Variants in CNTN5 observed in about 807,000 individuals in gnomAD.
The protein encoded by CNTN5 is contactin 5.
Under a neutral mutation model 129.1 loss-of-function variants are expected in CNTN5, and 77 were observed. The ratio of observed to expected loss-of-function variants is 0.60; its 90% CI spans 0.50 to 0.72. CNTN5 has a LOEUF of 0.72. CNTN5 is among the 30% of genes least tolerant of loss of function. CNTN5 has a pLI of 0.00. For missense variants in CNTN5, 1,478 were observed against 1,328.8 expected (o/e 1.11, Z -1.75); for synonymous variants, 509 against 465.6 (o/e 1.09, Z -1.20).
chr11:99,784,449 TCATC>T (rs1017755323), intron 3 of CNTN5, among the ~76,000 whole-genome samples: 1 of 152,118 alleles, frequency 6.6e-6, no homozygotes, highest in Admixed American at 6.5e-5. Flanking sequence ...GTTTCCATCT[TCATC>T]CATGTCCCTG....
chr11:99,880,897 T>C (rs1332362513), intron 6 of CNTN5, among the ~76,000 whole-genome samples: 1 of 152,200 alleles, frequency 6.6e-6, no homozygotes, highest in Non-Finnish European at 1.5e-5. Flanking sequence ...TTATGACTTT[T>C]TTAATATTTA....
chr11:99,461,131 G>T (rs1944682086), intron 2 of CNTN5, among the ~76,000 whole-genome samples: 1 of 151,854 alleles, frequency 6.6e-6, no homozygotes, highest in African/African-American at 2.4e-5. Context: ...ACATATTGTT[G>T]GCTTTATTTA....
At chr11:99,115,009 C>G (rs773003925) in intron 1 of CNTN5, among the ~76,000 whole-genome samples, 1 of 152,130 alleles carries the variant, frequency 6.6e-6, no homozygotes, top group African/African-American at 2.4e-5. Context: ...CTCCCTTCCC[C>G]CTTCTTCCAT....
chr11:99,374,900 G>C (rs1940067598), intron 2 of CNTN5, among the ~76,000 whole-genome samples: 1 of 152,160 alleles, frequency 6.6e-6, no homozygotes, highest in African/African-American at 2.4e-5. Flanking sequence ...TGGGCAAATG[G>C]CCATGGAACA....
chr11:99,963,832 A>C (rs1013284653), intron 8 of CNTN5, among the ~76,000 whole-genome samples: 2 of 151,968 alleles, frequency 1.3e-5, no homozygotes, highest in South Asian at 4.2e-4. Flanking sequence ...CTTTTGTTTC[A>C]TTGAGCAGTG....
chr11:99,660,079 A>G lies in CNTN5; in HGVS notation c.55+103810A>G, dbSNP rs185067478. 2.3e-3 allele frequency among the ~76,000 whole-genome samples: 346 copies of G among 152,278 alleles called. 1 individual carries two copies. Among genetic ancestry groups the G allele is most frequent in the African/African-American group, 7.5e-3 (311 of 41,568 alleles). On this transcript the variant is annotated intron_variant, in intron 3 of 24. Coordinates refer to ENST00000524871, the MANE Select transcript of CNTN5 (RefSeq NM_014361.4). ...AACATTGATCCATCCTTCATTTTATATAGAAAATTTCACCCATAATATATT... is the reference window on the plus strand; with the variant it reads ...AACATTGATCCATCCTTCATTTTATGTAGAAAATTTCACCCATAATATATT...
chr11:99,105,863 T>C (rs935366837), intron 1 of CNTN5, among the ~76,000 whole-genome samples: 5 of 152,178 alleles, frequency 3.3e-5, no homozygotes, highest in African/African-American at 9.6e-5. Flanking sequence ...TCAAGTTAAC[T>C]TGGAGTGTGC....
intron 4 of CNTN5, among the ~76,000 whole-genome samples, chr11:99,839,447 A>G (rs1416892909): frequency 6.6e-6 from 1 of 152,060 alleles, no homozygotes; most frequent in South Asian, 2.1e-4. Flanking sequence ...AAGTTTTTGT[A>G]TGGGAGGACC....
At chr11:99,038,495 G>T (rs1282602462) in intron 1 of CNTN5, among the ~76,000 whole-genome samples, 1 of 152,046 alleles carries the variant, frequency 6.6e-6, no homozygotes, top group African/African-American at 2.4e-5. Flanking sequence ...GTAGTCATCA[G>T]TGGTGTATAA....
At chr11:99,802,161 T>G (rs527966550) in intron 3 of CNTN5, among the ~76,000 whole-genome samples, 1 of 152,324 alleles carries the variant, frequency 6.6e-6, no homozygotes, top group African/African-American at 2.4e-5. Context: ...TAGACCTATA[T>G]TTTTCTGTCA....
intron 1 of CNTN5, among the ~76,000 whole-genome samples, chr11:99,191,680 A>G (rs1008385133): frequency 2.0e-5 from 3 of 151,894 alleles, no homozygotes; most frequent in Non-Finnish European, 4.4e-5. Context: ...AAATTCACAA[A>G]TACATCACAA....
At chr11:100,209,662 C>T (rs190339599) in intron 15 of CNTN5, among the ~76,000 whole-genome samples, 1 of 152,216 alleles carries the variant, frequency 6.6e-6, no homozygotes, top group East Asian at 1.9e-4. Context: ...TAAAATAATC[C>T]TTGTTAAATG....
intron 2 of CNTN5, among the ~76,000 whole-genome samples, chr11:99,460,682 CG>C (rs1944663591): frequency 6.6e-6 from 1 of 151,710 alleles, no homozygotes; most frequent in African/African-American, 2.4e-5. Flanking sequence ...AAAAACTTTA[CG>C]AATATAAGAA....
chr11:99,987,657 G>A (rs777652638), intron 8 of CNTN5, among the ~76,000 whole-genome samples: 2 of 151,882 alleles, frequency 1.3e-5, no homozygotes, highest in Admixed American at 6.6e-5. Context: ...AATATTTAAA[G>A]TAGAACTTAA....
At chr11:99,742,898 T>A (rs2135168114) in intron 3 of CNTN5, among the ~76,000 whole-genome samples, 1 of 152,304 alleles carries the variant, frequency 6.6e-6, no homozygotes, top group Middle Eastern at 3.4e-3. Context: ...ATCAGAATAA[T>A]TAGAAACACA....
At chr11:100,174,345 G>C (rs1283192693) in intron 13 of CNTN5, among the ~76,000 whole-genome samples, 1 of 152,038 alleles carries the variant, frequency 6.6e-6, no homozygotes, top group Non-Finnish European at 1.5e-5. Context: ...AATACTCTAG[G>C]CTTTCCTTCT....
At chr11:99,471,074 C>A (rs1945152357) in intron 2 of CNTN5, among the ~76,000 whole-genome samples, 1 of 151,896 alleles carries the variant, frequency 6.6e-6, no homozygotes, top group South Asian at 2.1e-4. Context: ...GCAGAGAGCA[C>A]CTAGTCCCAT....
chr11:100,309,009 C>G (rs1309018280), intron 21 of CNTN5: 6 of 984,606 alleles, frequency 6.1e-6, no homozygotes, highest in African/African-American at 1.7e-5. Context: ...TGAATAACAT[C>G]AATGAAATTT....
intron 2 of CNTN5, among the ~76,000 whole-genome samples, chr11:99,553,508 CTTAAATA>C (rs1948562377): frequency 6.6e-6 from 1 of 151,854 alleles, no homozygotes; most frequent in Admixed American, 6.6e-5. Flanking sequence ...ATTTCAGAAT[CTTAAATA>C]TTATTTCATT....
Sources: allele counts gnomAD v4.1 joint callset (sites outside exome capture counted in the v4.1 genomes callset), GRCh38; gene constraint gnomAD v4.1.1; transcripts MANE v1.5; gene names NCBI Gene and HGNC (gene_info 2026-07-23, HGNC 2026-07-21).